Variants in NOL10 observed in about 807,000 individuals in gnomAD.
NOL10 encodes H_NH0074G24.1.
NOL10 carries 58 observed loss-of-function variants against 103.5 expected under a neutral mutation model. That is an observed-to-expected ratio of 0.56 (90% CI 0.45 to 0.70). The LOEUF (loss-of-function observed/expected upper bound fraction) is 0.70. Ranked by LOEUF, NOL10 falls within the 30% of genes least tolerant of loss-of-function variation. The probability of loss-of-function intolerance (pLI) is 0.00; values close to 1 mark genes in which losing one functional copy is unlikely to be tolerated. For missense variants in NOL10, 763 were observed against 807.3 expected (o/e 0.95, Z 0.67); for synonymous variants, 287 against 282.5 (o/e 1.02, Z -0.16).
intron 3 of NOL10, among the ~76,000 whole-genome samples, chr2:10,678,879 T>C (rs997511073): frequency 3.3e-5 from 5 of 152,188 alleles, no homozygotes; most frequent in African/African-American, 1.2e-4. Context: ...CTGTCCAATA[T>C]GGCAGCCACT....
chr2:10,646,026 A>C (rs1679051944), intron 12 of NOL10, among the ~76,000 whole-genome samples: 1 of 152,122 alleles, frequency 6.6e-6, no homozygotes. Flanking sequence ...ATAATGTCTA[A>C]ATTAAACCAA....
At chr2:10,592,481 T>C (rs1675440025) in intron 17 of NOL10, among the ~76,000 whole-genome samples, 1 of 152,144 alleles carries the variant, frequency 6.6e-6, no homozygotes, top group Non-Finnish European at 1.5e-5. Context: ...CGATGCGCCA[T>C]GTCTCAGGAG....
At chr2:10,679,928 T>C (rs1681611538) in intron 3 of NOL10, among the ~76,000 whole-genome samples, 1 of 151,746 alleles carries the variant, frequency 6.6e-6, no homozygotes, top group South Asian at 2.1e-4. Flanking sequence ...GCCCACATAT[T>C]ATTTATTAAA....
chr2:10,629,088 C>T (rs908053931), intron 13 of NOL10, among the ~76,000 whole-genome samples: 7 of 151,916 alleles, frequency 4.6e-5, no homozygotes, highest in African/African-American at 1.7e-4. Context: ...CTCCCTCCAC[C>T]TCTCCCCTAC....
intron 19 of NOL10, among the ~76,000 whole-genome samples, chr2:10,588,240 T>C (rs970482146): frequency 2.6e-5 from 4 of 152,202 alleles, no homozygotes; most frequent in African/African-American, 9.6e-5. Context: ...ATTTATAACA[T>C]AAAACTTACC....
chr2:10,600,377 A>G (rs1354091675), intron 17 of NOL10, among the ~76,000 whole-genome samples: 2 of 152,258 alleles, frequency 1.3e-5, no homozygotes, highest in African/African-American at 4.8e-5. Context: ...CCAAATAAAA[A>G]TCAGTTACTT....
intron 12 of NOL10, among the ~76,000 whole-genome samples, chr2:10,651,607 C>T (rs1463601358): frequency 1.3e-5 from 2 of 152,016 alleles, no homozygotes; most frequent in African/African-American, 4.8e-5. Flanking sequence ...TGGCTAGTGG[C>T]TACCAAACTG....
rs117783125 is a variant in NOL10, at chr2:10,664,811, G to A, written c.592-1767C>T. On this transcript the variant is annotated intron_variant, in intron 8 of 20. Transcript: ENST00000381685. ...CGCACTTCCAAAGAGCTGGGATGAC[G>A]GACGTGAGCCACCACACCCAGCCAA... Among the ~76,000 whole-genome samples, 82 of 152,276 alleles carry A rather than the reference G, an allele frequency of 5.4e-4. 2 individuals carry two copies. The East Asian group carries it at 0.014, about 25-fold the overall frequency.
At position 10,669,412 on chromosome 2, in the gene NOL10, T is replaced by C. The variant is rs531506890; in HGVS notation, c.465-689A>G. On this transcript the variant is annotated intron_variant, in intron 6 of 20. Coordinates refer to ENST00000381685, the MANE Select transcript of NOL10 (RefSeq NM_024894.4). ...CCTGAATTTTTTCTTTTCTATATTT[T>C]CCCAATTTTCTAAAATGGGTATGTA... 2.2e-3 allele frequency among the ~76,000 whole-genome samples: 334 copies of C among 149,052 alleles called. 1 individual carries two copies. The highest frequency in any genetic ancestry group is 7.8e-3 in the African/African-American group (318 of 40,946).
chr2:10,668,484 T>C (rs754035260), intron 7 of NOL10, among the ~76,000 whole-genome samples, 174 bp downstream of exon 7: 2 of 152,228 alleles, frequency 1.3e-5, no homozygotes, highest in African/African-American at 2.4e-5. Flanking sequence ...TTTAAAGTAA[T>C]CACCAGATCT....
Position 10,689,875 on chromosome 2 carries a change from A to C in NOL10, c.-14T>G, listed in dbSNP as rs1432053305. On this transcript the variant is annotated 5_prime_UTR_variant, in exon 1 of 21. Coordinates refer to ENST00000381685, the MANE Select transcript of NOL10 (RefSeq NM_024894.4). ...GGAGACCTGCATGGCGCCGCACAAC[A>C]CTGTTCAAGTCCCGGGTCCTTTCCC... is the stretch of plus-strand genomic sequence containing the variant. The C allele has an allele frequency of 6.2e-7, 1 of 1,600,366 alleles. No individual in the cohort carries two copies. Among genetic ancestry groups the C allele is most frequent in the South Asian group, 1.1e-5 (1 of 88,478 alleles).
At chr2:10,580,920 G>A (rs965456158) in intron 19 of NOL10, among the ~76,000 whole-genome samples, 1 of 152,078 alleles carries the variant, frequency 6.6e-6, no homozygotes, top group East Asian at 1.9e-4. Context: ...AGTCTACACC[G>A]GAGGGAATAA....
intron 13 of NOL10, among the ~76,000 whole-genome samples, chr2:10,643,560 T>C (rs1428215356): frequency 1.3e-5 from 2 of 152,176 alleles, no homozygotes; most frequent in Non-Finnish European, 2.9e-5. Flanking sequence ...AGAAGAATTA[T>C]TTAAGGAGGG....
intron 9 of NOL10, among the ~76,000 whole-genome samples, chr2:10,661,390 G>C (rs1446284321): frequency 6.6e-6 from 1 of 150,470 alleles, no homozygotes; most frequent in Non-Finnish European, 1.5e-5. Flanking sequence ...ATTTATGTTT[G>C]AGATGGAGTC....
Position 10,659,246 on chromosome 2 carries a change from T to C in NOL10, c.682A>G (p.Asn228Asp). Residue 228 changes from asparagine to aspartate, a missense_variant, in exon 10 of 21, where the codon AAC (asparagine) becomes GAC (aspartate). Transcript: ENST00000381685. ...LNSVTADSEI[N>D]SLPTISALKF... ...AAAGCAGAGATTGTTGGTAAACTGT[T>C]TATCCTGAAAAGCAAAATATTCATG... The C allele has an allele frequency of 6.3e-7, 1 of 1,588,232 alleles. No individual in the cohort carries two copies. The highest frequency in any genetic ancestry group is 8.6e-7 in the Non-Finnish European group (1 of 1,165,940).
intron 13 of NOL10, among the ~76,000 whole-genome samples, chr2:10,629,220 C>T (rs1677681736): frequency 6.7e-6 from 1 of 149,770 alleles, no homozygotes; most frequent in Non-Finnish European, 1.5e-5. Context: ...TAAATCCAAT[C>T]AGTAGCCACT....
chr2:10,672,444 T>C (rs1048181679), intron 5 of NOL10, among the ~76,000 whole-genome samples: 2 of 152,178 alleles, frequency 1.3e-5, no homozygotes, highest in African/African-American at 4.8e-5. Context: ...CATCAACAGA[T>C]GGTATTTAAA....
chr2:10,589,419 T>G (rs899607069), intron 18 of NOL10, 129 bp from the exon 19 acceptor site: 7 of 1,329,408 alleles, frequency 5.3e-6, no homozygotes, highest in Non-Finnish European at 7.1e-6. Flanking sequence ...TCAGGAGAAA[T>G]GCCTTTAAAT....
intron 13 of NOL10, among the ~76,000 whole-genome samples, chr2:10,637,798 G>A (rs1188786521): frequency 6.6e-6 from 1 of 152,214 alleles, no homozygotes; most frequent in African/African-American, 2.4e-5. Context: ...ATTCTGAACA[G>A]ACGCAGAAGC....
Sources: allele counts gnomAD v4.1 joint callset (sites outside exome capture counted in the v4.1 genomes callset), GRCh38; gene constraint gnomAD v4.1.1; transcripts MANE v1.5; gene names NCBI Gene and HGNC (gene_info 2026-07-23, HGNC 2026-07-21).